The following PAPSS2 variants were observed in gnomAD, a reference collection of about 807,000 sequenced individuals.
PAPSS2 encodes the protein 3'-phosphoadenosine 5'-phosphosulfate synthase 2, also known as bifunctional 3'-phosphoadenosine 5'-phosphosulfate synthase 2.
In PAPSS2, 61 loss-of-function variants were observed where a neutral mutation model predicts 66.5. The observed-to-expected ratio is 0.92, with a 90% CI of 0.75 to 1.14. The LOEUF (loss-of-function observed/expected upper bound fraction) is 1.14, where lower values mean the gene tolerates loss of function less well. PAPSS2 is among the 50% of genes most tolerant of loss of function. The probability of loss-of-function intolerance (pLI) is 0.00; values close to 1 mark genes in which losing one functional copy is unlikely to be tolerated. For missense variants in PAPSS2, 708 were observed against 789.6 expected, an observed-to-expected ratio of 0.90 and a Z score of 1.24; for synonymous variants, 289 against 287.5, an observed-to-expected ratio of 1.01 and a Z score of -0.05.
At chr10:87,683,452 C>T (rs368730851) in intron 1 of PAPSS2, among the ~76,000 whole-genome samples, 1 of 152,312 alleles carries the variant, frequency 6.6e-6, no homozygotes, top group South Asian at 2.1e-4. Context: ...TGTGGACCTT[C>T]TGTGTGTGCA....
chr10:87,716,253 G>A (rs1853531043), intron 7 of PAPSS2, among the ~76,000 whole-genome samples: 1 of 152,196 alleles, frequency 6.6e-6, no homozygotes, highest in Non-Finnish European at 1.5e-5. Flanking sequence ...GGTTGCTCAT[G>A]TCAAGCATTA....
intron 8 of PAPSS2, among the ~76,000 whole-genome samples, chr10:87,722,606 A>G (rs923364307): frequency 4.6e-5 from 7 of 152,224 alleles, no homozygotes; most frequent in Non-Finnish European, 8.8e-5. Context: ...TCAAAATAAG[A>G]TATACCACAA....
intron 1 of PAPSS2, among the ~76,000 whole-genome samples, chr10:87,676,872 CAAAAAAAAAAAAAAAAA>C (rs71019493): frequency 2.6e-4 from 8 of 31,366 alleles, no homozygotes; most frequent in South Asian, 3.9e-3. Context: ...GACCCTGTCT[CAAAAAAAAAAAAAAAAA>C]AAAAAAAAAA....
Position 87,744,984 on chromosome 10 carries a change from C to G in PAPSS2, c.1492-18C>G, listed in dbSNP as rs1853917398. 1.2e-6 allele frequency: 2 copies of G among 1,603,876 alleles called. No homozygotes were observed. Among genetic ancestry groups the G allele is most frequent in the East Asian group, 4.5e-5 (2 of 44,768 alleles). ...TTGACCCACAATGACCAGCATGTCC[C>G]TTATGGACATTTTCTAGGTCCAGTG... On this transcript the variant is annotated intron_variant, in intron 11 of 12. Transcript: ENST00000456849.
At chr10:87,725,646 C>T (rs560798468) in intron 8 of PAPSS2, among the ~76,000 whole-genome samples, 1 of 152,060 alleles carries the variant, frequency 6.6e-6, no homozygotes, top group Non-Finnish European at 1.5e-5. Context: ...GCTGAAACCA[C>T]CATGAATAAC....
intron 9 of PAPSS2, among the ~76,000 whole-genome samples, chr10:87,734,703 A>ATATATATATATATATATATG (rs574455849): frequency 9.0e-6 from 1 of 111,706 alleles, no homozygotes; most frequent in African/African-American, 4.4e-5. Context: ...ATATATATAT[A>ATATATATATATATATATATG]TATGTATGTA....
In PAPSS2 at chr10:87,714,870, G is replaced by T; in HGVS notation, c.639+7G>T. On this transcript the variant is annotated splice_region_variant and intron_variant, in intron 5 of 12. Transcript: ENST00000456849. ...GGAACTTCTGCAAGAGCAGGTAGGTGAACCGGTTGTCTTTTTTTATATGTT... is the reference window on the plus strand; with the variant it reads ...GGAACTTCTGCAAGAGCAGGTAGGTTAACCGGTTGTCTTTTTTTATATGTT... 1.3e-6 allele frequency: 2 copies of T among 1,547,668 alleles called. No homozygotes were observed. Among genetic ancestry groups the T allele is most frequent in the Non-Finnish European group, 1.8e-6 (2 of 1,119,330 alleles).
intron 5 of PAPSS2, 31 bp downstream of exon 5, chr10:87,714,894 T>G (rs1853513560): frequency 2.0e-6 from 3 of 1,471,120 alleles, no homozygotes; most frequent in Non-Finnish European, 2.9e-6. Flanking sequence ...TTTTTATATG[T>G]TTAATAAAAT....
intron 8 of PAPSS2, among the ~76,000 whole-genome samples, chr10:87,725,638 T>C (rs10887748): frequency 0.52 from 79,007 of 151,920 alleles, 21,764 homozygotes; most frequent in East Asian, 0.71. Flanking sequence ...GATTTTATGC[T>C]GAAACCACCA....
chr10:87,704,909 T>G (rs1853363623), intron 1 of PAPSS2, among the ~76,000 whole-genome samples: 1 of 152,230 alleles, frequency 6.6e-6, no homozygotes, highest in Non-Finnish European at 1.5e-5. Context: ...CTCAAAGTGC[T>G]GGGATTACAG....
intron 10 of PAPSS2, among the ~76,000 whole-genome samples, chr10:87,742,386 C>T (rs894880243): frequency 6.6e-6 from 1 of 152,132 alleles, no homozygotes; most frequent in Non-Finnish European, 1.5e-5. Context: ...ACAGTGGCTA[C>T]CTCTTGGGGA....
At chr10:87,711,977 C>T (rs1301810927) in intron 2 of PAPSS2, among the ~76,000 whole-genome samples, 1 of 151,898 alleles carries the variant, frequency 6.6e-6, no homozygotes, top group Non-Finnish European at 1.5e-5. Flanking sequence ...GAGTGCTAGC[C>T]TTTAGGGTAG....
At chr10:87,705,069 C>G (rs73340848) in intron 1 of PAPSS2, among the ~76,000 whole-genome samples, 99 of 152,278 alleles carry the variant, frequency 6.5e-4, no homozygotes, top group African/African-American at 2.3e-3. Flanking sequence ...TGCCTCAAAC[C>G]CTTATCAAGA....
At chr10:87,667,760 G>A (rs980680759) in intron 1 of PAPSS2, among the ~76,000 whole-genome samples, 2 of 152,168 alleles carry the variant, frequency 1.3e-5, no homozygotes, top group African/African-American at 4.8e-5. Flanking sequence ...GGCAATAAAT[G>A]CATATAGCCT....
At chr10:87,708,953 G>A (rs148866964) in intron 1 of PAPSS2, among the ~76,000 whole-genome samples, 11 of 152,200 alleles carry the variant, frequency 7.2e-5, no homozygotes, top group African/African-American at 2.6e-4. Flanking sequence ...AATAACTTAG[G>A]TATGTAGACT....
intron 1 of PAPSS2, among the ~76,000 whole-genome samples, chr10:87,666,556 C>G (rs1161548150): frequency 6.6e-6 from 1 of 152,058 alleles, no homozygotes; most frequent in Non-Finnish European, 1.5e-5. Flanking sequence ...CTCACCTTGT[C>G]TTGGTGGTCT....
At chr10:87,710,323 C>T (rs1395423056) in intron 2 of PAPSS2, among the ~76,000 whole-genome samples, 1 of 152,090 alleles carries the variant, frequency 6.6e-6, no homozygotes, top group Non-Finnish European at 1.5e-5. Flanking sequence ...GACTGTGCAT[C>T]GAAACAACTT....
intron 1 of PAPSS2, among the ~76,000 whole-genome samples, chr10:87,677,418 G>A (rs1031477354): frequency 6.6e-6 from 1 of 152,070 alleles, no homozygotes; most frequent in Non-Finnish European, 1.5e-5. Flanking sequence ...AATCTAAAAA[G>A]CAATTACAAT....
intron 9 of PAPSS2, among the ~76,000 whole-genome samples, chr10:87,738,862 T>A (rs1294386782): frequency 6.6e-6 from 1 of 152,232 alleles, no homozygotes; most frequent in Non-Finnish European, 1.5e-5. Flanking sequence ...CCTTTGCCTA[T>A]TTCTTAATTG....
Sources: allele counts gnomAD v4.1 joint callset (sites outside exome capture counted in the v4.1 genomes callset), GRCh38; gene constraint gnomAD v4.1.1; transcripts MANE v1.5; gene names NCBI Gene and HGNC (gene_info 2026-07-23, HGNC 2026-07-21).